DPP10: variants seen among roughly 807,000 people sequenced by gnomAD.
DPP10 encodes the protein dipeptidyl peptidase like 10.
DPP10 carries 33 observed loss-of-function variants against 120.9 expected under a neutral mutation model. The observed-to-expected ratio is 0.27, with a 90% CI of 0.21 to 0.37. The LOEUF (loss-of-function observed/expected upper bound fraction) is 0.37, where lower values mean the gene tolerates loss of function less well. Among genes scored for constraint, DPP10 ranks in the 10% least tolerant of loss-of-function variants. DPP10 has a pLI of 1.00. For synonymous variants in DPP10, 337 were observed against 326.1 expected, an observed-to-expected ratio of 1.03 and a Z score of -0.36; for missense variants, 816 against 942.8, an observed-to-expected ratio of 0.87 and a Z score of 1.76.
At chr2:115,388,605 G>A (rs2067115910) in intron 3 of DPP10, among the ~76,000 whole-genome samples, 1 of 152,092 alleles carries the variant, frequency 6.6e-6, no homozygotes, top group Non-Finnish European at 1.5e-5. Context: ...CTTTATATTT[G>A]CAAAAGAATT....
chr2:115,044,952 C>T (rs918018553), intron 1 of DPP10, among the ~76,000 whole-genome samples: 5 of 152,128 alleles, frequency 3.3e-5, no homozygotes, highest in Non-Finnish European at 2.9e-5. Context: ...GACAGGATCT[C>T]ATTCTTTTTA....
chr2:114,963,768 G>A (rs57597379), intron 1 of DPP10, among the ~76,000 whole-genome samples: 243 of 152,238 alleles, frequency 1.6e-3, no homozygotes, highest in African/African-American at 5.4e-3. Flanking sequence ...ACAGAGGGTC[G>A]TGTCGCAAGG....
intron 1 of DPP10, among the ~76,000 whole-genome samples, chr2:114,484,045 C>G (rs1299116383): frequency 6.6e-6 from 1 of 152,060 alleles, no homozygotes; most frequent in African/African-American, 2.4e-5. Context: ...GACCTTATTT[C>G]TTTTGACCAA....
intron 1 of DPP10, among the ~76,000 whole-genome samples, chr2:115,006,422 C>A (rs994248719): frequency 1.2e-4 from 18 of 151,766 alleles, no homozygotes; most frequent in African/African-American, 3.9e-4. Flanking sequence ...CACAGACTGG[C>A]AAATTAGATA....
chr2:114,906,116 C>G (rs1163972567), intron 1 of DPP10, among the ~76,000 whole-genome samples: 1 of 152,048 alleles, frequency 6.6e-6, no homozygotes, highest in Non-Finnish European at 1.5e-5. Context: ...CGGGGGCTCA[C>G]ACCTGTAATC....
intron 1 of DPP10, among the ~76,000 whole-genome samples, chr2:115,117,326 A>T (rs754809940): frequency 6.6e-6 from 1 of 152,250 alleles, no homozygotes; most frequent in Non-Finnish European, 1.5e-5. Flanking sequence ...TGCTACCATG[A>T]TGGTGGAAAG....
intron 1 of DPP10, among the ~76,000 whole-genome samples, chr2:114,681,531 T>G (rs1229304818): frequency 6.6e-6 from 1 of 152,008 alleles, no homozygotes; most frequent in African/African-American, 2.4e-5. Context: ...AGTTCAGAGA[T>G]TCTCATTACA....
chr2:115,606,912 C>T (rs766552143), intron 5 of DPP10, among the ~76,000 whole-genome samples: 23 of 152,176 alleles, frequency 1.5e-4, no homozygotes, highest in African/African-American at 3.1e-4. Context: ...GAAAAGAATG[C>T]GAGCTTTCAT....
chr2:114,721,059 C>T (rs1195469605), intron 1 of DPP10, among the ~76,000 whole-genome samples: 1 of 152,248 alleles, frequency 6.6e-6, no homozygotes, highest in East Asian at 1.9e-4. Flanking sequence ...ATACGTTACA[C>T]AGCATAACCT....
intron 1 of DPP10, among the ~76,000 whole-genome samples, chr2:114,731,829 G>A (rs1676949178): frequency 6.6e-6 from 1 of 152,112 alleles, no homozygotes; most frequent in African/African-American, 2.4e-5. Context: ...TCTAATTGGT[G>A]GACTTAGAGC....
At chr2:115,707,235 C>T (rs1439977914) in intron 7 of DPP10, among the ~76,000 whole-genome samples, 2 of 151,752 alleles carry the variant, frequency 1.3e-5, no homozygotes, top group African/African-American at 4.8e-5. Context: ...GTTTGATTAA[C>T]ACTATCAACC....
At chr2:114,925,039 G>T (rs998353372) in intron 1 of DPP10, among the ~76,000 whole-genome samples, 1 of 151,886 alleles carries the variant, frequency 6.6e-6, no homozygotes, top group Non-Finnish European at 1.5e-5. Flanking sequence ...GTGAAACCCC[G>T]TCTCTACTAA....
chr2:114,476,200 A>T (rs902678536), intron 1 of DPP10, among the ~76,000 whole-genome samples: 3 of 152,138 alleles, frequency 2.0e-5, no homozygotes, highest in African/African-American at 7.2e-5. Flanking sequence ...TCATTTTCTA[A>T]TGTGTATTTA....
At chr2:114,480,711 G>C (rs1432896420) in intron 1 of DPP10, among the ~76,000 whole-genome samples, 1 of 123,104 alleles carries the variant, frequency 8.1e-6, no homozygotes, top group Non-Finnish European at 1.7e-5. Context: ...CTGTTGTGGG[G>C]TGGGGGGAGG....
intron 5 of DPP10, among the ~76,000 whole-genome samples, chr2:115,680,596 A>C (rs2090584370): frequency 6.6e-6 from 1 of 152,010 alleles, no homozygotes; most frequent in Admixed American, 6.6e-5. Context: ...TGAAGAGATC[A>C]TAAATTTTAA....
intron 7 of DPP10, among the ~76,000 whole-genome samples, chr2:115,719,605 C>A (rs1320717132): frequency 1.3e-5 from 2 of 152,084 alleles, no homozygotes; most frequent in African/African-American, 4.8e-5. Flanking sequence ...ACTGGACACA[C>A]AGAATTTATT....
At chr2:114,691,862 A>G (rs1031593827) in intron 1 of DPP10, among the ~76,000 whole-genome samples, 29 of 152,002 alleles carry the variant, frequency 1.9e-4, no homozygotes, top group African/African-American at 7.0e-4. Flanking sequence ...TTTCTATTTT[A>G]TGTGCGTAGA....
At chr2:115,714,815 G>A (rs928287772) in intron 7 of DPP10, among the ~76,000 whole-genome samples, 2 of 152,144 alleles carry the variant, frequency 1.3e-5, no homozygotes, top group East Asian at 3.9e-4. Flanking sequence ...GGATCACGAG[G>A]TCAGGAGTTC....
chr2:115,558,689 A>T (rs1379634248), intron 5 of DPP10, among the ~76,000 whole-genome samples: 3 of 151,834 alleles, frequency 2.0e-5, no homozygotes, highest in Non-Finnish European at 4.4e-5. Context: ...ACTAAAAAAA[A>T]ATTACTCTGG....
Sources: allele counts gnomAD v4.1 joint callset (sites outside exome capture counted in the v4.1 genomes callset), GRCh38; gene constraint gnomAD v4.1.1; transcripts MANE v1.5; gene names NCBI Gene and HGNC (gene_info 2026-07-23, HGNC 2026-07-21).